The following LINGO2 variants were observed in gnomAD, a reference collection of about 807,000 sequenced individuals.
LINGO2 encodes the protein leucine-rich repeat and immunoglobulin-like domain-containing nogo receptor-interacting protein 2.
LINGO2 carries 14 observed loss-of-function variants against 30.6 expected under a neutral mutation model. The observed-to-expected ratio is 0.46, with a 90% confidence interval of 0.30 to 0.72. The LOEUF (loss-of-function observed/expected upper bound fraction) is 0.72. Ranked by LOEUF, LINGO2 falls within the 30% of genes least tolerant of loss-of-function variation. The pLI, the probability that LINGO2 is intolerant of heterozygous loss-of-function variation, is 0.07. For missense variants in LINGO2, 729 were observed against 751.7 expected (o/e 0.97, Z 0.35); for synonymous variants, 317 against 288.5 (o/e 1.10, Z -1.00).
the LINGO2 span, among the ~76,000 whole-genome samples, chr9:29,104,780 T>C: frequency 6.6e-6 from 1 of 152,228 alleles, no homozygotes; most frequent in African/African-American, 2.4e-5. Context: ...TCATATGAAA[T>C]CTATAATCAT....
At chr9:28,813,181 G>C in the LINGO2 span, among the ~76,000 whole-genome samples, 1 of 151,924 alleles carries the variant, frequency 6.6e-6, no homozygotes, top group Non-Finnish European at 1.5e-5. Context: ...TGTCAAGTGA[G>C]AAGAAAATGG....
At chr9:28,793,924 T>C in the LINGO2 span, among the ~76,000 whole-genome samples, 2 of 152,178 alleles carry the variant, frequency 1.3e-5, no homozygotes, top group African/African-American at 4.8e-5. Flanking sequence ...TCCCAAGTAC[T>C]TGTCAGATCT....
intron 2 of LINGO2, among the ~76,000 whole-genome samples, chr9:28,427,235 A>G (rs532741885): frequency 6.6e-6 from 1 of 152,224 alleles, no homozygotes; most frequent in East Asian, 1.9e-4. Flanking sequence ...TGAAAAACAC[A>G]TTAAGAGCTC....
the LINGO2 span, among the ~76,000 whole-genome samples, chr9:29,016,139 C>G: frequency 6.6e-6 from 1 of 152,176 alleles, no homozygotes; most frequent in African/African-American, 2.4e-5. Flanking sequence ...GCAAGCTCTT[C>G]TAATAAATTC....
At chr9:28,516,153 T>A (rs1232441737) in intron 1 of LINGO2, among the ~76,000 whole-genome samples, 2 of 152,190 alleles carry the variant, frequency 1.3e-5, no homozygotes, top group South Asian at 2.1e-4. Flanking sequence ...ACTATAAACA[T>A]AACTTTTATA....
chr9:29,170,718 T>C, the LINGO2 span, among the ~76,000 whole-genome samples: 13 of 152,152 alleles, frequency 8.5e-5, no homozygotes, highest in African/African-American at 2.6e-4. Context: ...CAATATTTCC[T>C]GAAAATTAAT....
intron 4 of LINGO2, among the ~76,000 whole-genome samples, chr9:28,037,879 C>T: frequency 6.6e-6 from 1 of 152,194 alleles, no homozygotes; most frequent in East Asian, 1.9e-4. Context: ...TCTACTAGTC[C>T]TTTACCTGAA....
At chr9:29,132,730 T>C in the LINGO2 span, among the ~76,000 whole-genome samples, 1 of 152,170 alleles carries the variant, frequency 6.6e-6, no homozygotes, top group South Asian at 2.1e-4. Context: ...CTGGAAAACT[T>C]GTAGTCAAGA....
chr9:28,172,023 AAAAAAAAAAAC>A (rs1389843040), intron 4 of LINGO2, among the ~76,000 whole-genome samples: 44 of 90,942 alleles, frequency 4.8e-4, no homozygotes, highest in Non-Finnish European at 7.8e-4. Context: ...TCTCAAAAAA[AAAAAAAAAAAC>A]AAAAAAAAAA....
At chr9:28,551,958 T>C (rs114795177) in intron 1 of LINGO2, among the ~76,000 whole-genome samples, 2,504 of 152,214 alleles carry the variant, frequency 0.016, 69 homozygotes, top group African/African-American at 0.056. Flanking sequence ...ACTCTTCCTT[T>C]TATAAAAATA....
At chr9:28,416,391 C>A (rs1822969322) in intron 2 of LINGO2, among the ~76,000 whole-genome samples, 1 of 152,156 alleles carries the variant, frequency 6.6e-6, no homozygotes, top group Non-Finnish European at 1.5e-5. Context: ...AAAGCACTCA[C>A]ACACACAAAA....
chr9:28,769,506 ATATATATATATATTTTTTTT>A, the LINGO2 span, among the ~76,000 whole-genome samples: 2 of 2,876 alleles, frequency 7.0e-4, no homozygotes, highest in African/African-American at 1.9e-3. Flanking sequence ...ATATATATAT[ATATATATATATATTTTTTTT>A]TTTTTTTTTT....
chr9:28,034,719 T>A (rs1216353459), intron 4 of LINGO2, among the ~76,000 whole-genome samples: 1 of 152,184 alleles, frequency 6.6e-6, no homozygotes, highest in Admixed American at 6.5e-5. Flanking sequence ...TCTTATGATT[T>A]CAAAAAACTA....
chr9:28,955,880 C>A, the LINGO2 span, among the ~76,000 whole-genome samples: 1 of 151,948 alleles, frequency 6.6e-6, no homozygotes, highest in Admixed American at 6.6e-5. Flanking sequence ...TGGCCACAAG[C>A]AATCCTCCCA....
At chr9:28,358,102 T>A (rs993593463) in intron 3 of LINGO2, among the ~76,000 whole-genome samples, 2 of 152,198 alleles carry the variant, frequency 1.3e-5, no homozygotes, top group Admixed American at 6.5e-5. Context: ...AACTATTTTA[T>A]AATTTTTAGC....
At chr9:28,588,993 A>G (rs926519813) in intron 1 of LINGO2, among the ~76,000 whole-genome samples, 5 of 152,184 alleles carry the variant, frequency 3.3e-5, no homozygotes, top group Non-Finnish European at 7.4e-5. Flanking sequence ...AGGCTGGTTC[A>G]ACACATGCAA....
intron 4 of LINGO2, among the ~76,000 whole-genome samples, chr9:28,181,377 A>G (rs1192379340): frequency 6.6e-6 from 1 of 152,190 alleles, no homozygotes; most frequent in Non-Finnish European, 1.5e-5. Flanking sequence ...CCTCATTATC[A>G]TCTCAGATTT....
intron 4 of LINGO2, among the ~76,000 whole-genome samples, chr9:28,159,437 T>C (rs930728659): frequency 1.8e-4 from 28 of 152,146 alleles, no homozygotes; most frequent in Admixed American, 3.9e-4. Context: ...TGTATAATTT[T>C]CTGTTTTTCA....
the LINGO2 span, among the ~76,000 whole-genome samples, chr9:28,903,518 T>C: frequency 4.6e-5 from 7 of 152,260 alleles, no homozygotes; most frequent in Admixed American, 3.9e-4. Context: ...CTCTGTCACG[T>C]AGGTTAGAGT....
Sources: allele counts gnomAD v4.1 joint callset (sites outside exome capture counted in the v4.1 genomes callset), GRCh38; gene constraint gnomAD v4.1.1; transcripts MANE v1.5; gene names NCBI Gene and HGNC (gene_info 2026-07-23, HGNC 2026-07-21).